The following LRRC7 variants were observed in gnomAD, a reference collection of about 807,000 sequenced individuals.
LRRC7 encodes leucine-rich repeat-containing protein 7.
In LRRC7, 23 loss-of-function variants were observed where a neutral mutation model predicts 175.7. That is an observed-to-expected ratio of 0.13 (90% CI 0.09 to 0.19). The LOEUF (loss-of-function observed/expected upper bound fraction) is 0.19, where lower values mean the gene tolerates loss of function less well. Among genes scored for constraint, LRRC7 ranks in the 10% least tolerant of loss-of-function variants. LRRC7 has a pLI of 1.00. For missense variants in LRRC7, 1,354 were observed against 1,904.7 expected (o/e 0.71, Z 5.38); for synonymous variants, 685 against 680.9 (o/e 1.01, Z -0.09).
rs564826896 is a variant in LRRC7 at position 69,837,552 on chromosome 1, C to T, written c.591-675C>T. On this transcript the variant is annotated intron_variant, in intron 6 of 26. Coordinates refer to ENST00000651989, the MANE Select transcript of LRRC7 (RefSeq NM_001370785.2). ...CCAGGTTTGTCTTCCTACAAAGTCC[C>T]ATTTTTTTAACTCTATGCTATAGTA... Among the ~76,000 whole-genome samples the T allele has an allele frequency of 7.2e-4, 110 of 151,838 alleles. 1 individual carries two copies. The South Asian group carries it at 0.012, about 17-fold the overall frequency.
At chr1:69,627,279 G>A (rs138846421) in intron 1 of LRRC7, among the ~76,000 whole-genome samples, 11,956 of 152,170 alleles carry the variant, frequency 0.079, 716 homozygotes, top group African/African-American at 0.17. Context: ...ACTGGTGTGA[G>A]ATGATATCTC....
intron 1 of LRRC7, among the ~76,000 whole-genome samples, chr1:69,569,697 G>C (rs1329737304): frequency 6.6e-6 from 1 of 151,998 alleles, no homozygotes; most frequent in Non-Finnish European, 1.5e-5. Context: ...CATCAGGGCT[G>C]AATAAAGGAC....
intron 11 of LRRC7, among the ~76,000 whole-genome samples, chr1:70,008,442 T>A (rs549377771): frequency 3.0e-4 from 46 of 152,364 alleles, no homozygotes; most frequent in Admixed American, 8.5e-4. Flanking sequence ...GCTCTATGCA[T>A]ATTACTTATT....
At position 70,139,802 on chromosome 1, in the gene LRRC7, G is replaced by A. The variant is rs1666997126; in HGVS notation, c.*17915G>A. 6.6e-6 allele frequency: 1 copy of A among 152,114 alleles called. No individual in the cohort carries two copies. Among genetic ancestry groups the A allele is most frequent in the African/African-American group, 2.4e-5 (1 of 41,424 alleles). 9.4% of individuals were successfully genotyped at this position (152,114 alleles called of 1,614,324 possible). On this transcript the variant is annotated 3_prime_UTR_variant, in exon 27 of 27. Transcript: ENST00000651989. ...CTTAGAGCCTTTGAAAATACAACAT[G>A]TAGGTCCTTCTCAGATTATGCTGAA...
At chr1:69,851,399 G>A (rs1324412519) in intron 7 of LRRC7, among the ~76,000 whole-genome samples, 1 of 152,076 alleles carries the variant, frequency 6.6e-6, no homozygotes, top group African/African-American at 2.4e-5. Flanking sequence ...GAGCATACTA[G>A]CAGGCTGATG....
intron 1 of LRRC7, among the ~76,000 whole-genome samples, chr1:69,580,914 A>G (rs879534940): frequency 6.6e-6 from 1 of 152,230 alleles, no homozygotes; most frequent in Admixed American, 6.5e-5. Context: ...ATGAACTGCT[A>G]TTTAAATAAA....
intron 11 of LRRC7, among the ~76,000 whole-genome samples, chr1:70,000,329 C>G (rs1402475974): frequency 6.6e-6 from 1 of 152,100 alleles, no homozygotes; most frequent in Non-Finnish European, 1.5e-5. Flanking sequence ...CATTGTGTTA[C>G]AATTGCTTAC....
At chr1:70,019,567 T>C (rs1269862175) in intron 15 of LRRC7, among the ~76,000 whole-genome samples, 1 of 151,950 alleles carries the variant, frequency 6.6e-6, no homozygotes, top group Non-Finnish European at 1.5e-5. Context: ...TCAATCCATG[T>C]GAATGAGGCC....
chr1:69,756,444 G>C (rs1051139482), intron 2 of LRRC7, among the ~76,000 whole-genome samples: 16 of 151,430 alleles, frequency 1.1e-4, no homozygotes, highest in African/African-American at 3.4e-4. Context: ...TAGTATGATA[G>C]ATTAAAAAAA....
At chr1:69,776,593 G>A (rs898490388) in intron 3 of LRRC7, among the ~76,000 whole-genome samples, 2 of 152,176 alleles carry the variant, frequency 1.3e-5, no homozygotes, top group Non-Finnish European at 2.9e-5. Context: ...AGACCAGTCA[G>A]AGATTAGAGG....
rs1285843594 is a variant in LRRC7 at position 70,134,590 on chromosome 1, A to G, written c.*12703A>G. Among the ~76,000 whole-genome samples, 1 of 152,142 alleles carries G rather than the reference A, an allele frequency of 6.6e-6. No individual in the cohort carries two copies. Among genetic ancestry groups the G allele is most frequent in the Non-Finnish European group, 1.5e-5 (1 of 68,018 alleles). ...GACAAGGTGTTCTTTCCCAAAGTTT[A>G]TGTGAAGCCATTTATATCCTCTGGT... On this transcript the variant is annotated 3_prime_UTR_variant, in exon 27 of 27. Transcript: ENST00000651989.
chr1:69,931,406 C>A, intron 7 of LRRC7, 101 bp from the exon 8 acceptor site: 1 of 880,954 alleles, frequency 1.1e-6, no homozygotes, highest in Non-Finnish European at 1.9e-6. Context: ...GTTTTGTGTA[C>A]TACGCAATCA....
rs144187911 is a variant in LRRC7, at chr1:69,727,158, G to A, written c.101-33033G>A. 2.9e-3 allele frequency among the ~76,000 whole-genome samples: 438 copies of A among 152,274 alleles called. 4 individuals carry two copies. Among genetic ancestry groups the A allele is most frequent in the African/African-American group, 9.7e-3 (404 of 41,568 alleles). The stretch of plus-strand genomic sequence containing the variant: ...TCAGTCATTGGAGGGATGTATCCTG[G>A]ATGAGGTAATTCCCTTCAGTCAAGG... On this transcript the variant is annotated intron_variant, in intron 2 of 26. Transcript: ENST00000651989.
intron 16 of LRRC7, 123 bp downstream of exon 16, chr1:70,021,252 C>A: frequency 2.3e-6 from 2 of 861,886 alleles, no homozygotes; most frequent in Non-Finnish European, 3.5e-6. Flanking sequence ...CGGTACCTTT[C>A]ATTACAGCAT....
intron 3 of LRRC7, among the ~76,000 whole-genome samples, chr1:69,772,592 A>T (rs1672361764): frequency 6.6e-6 from 1 of 152,252 alleles, no homozygotes; most frequent in African/African-American, 2.4e-5. Context: ...AATACATTGT[A>T]GCAAGTCAAG....
chr1:69,617,567 A>AAG (rs1240001208), intron 1 of LRRC7, among the ~76,000 whole-genome samples: 1 of 150,118 alleles, frequency 6.7e-6, no homozygotes, highest in African/African-American at 2.4e-5. Flanking sequence ...AAAAAAAAAA[A>AAG]AAAAATCAGA....
intron 7 of LRRC7, among the ~76,000 whole-genome samples, chr1:69,866,676 G>T (rs1684978244): frequency 6.6e-6 from 1 of 151,942 alleles, no homozygotes; most frequent in African/African-American, 2.4e-5. Flanking sequence ...GCCTTATAGT[G>T]GTGTCATTCA....
chr1:70,020,892 CTTT>C (rs986501318), intron 15 of LRRC7, 110 bp from the exon 16 acceptor site: 10 of 720,958 alleles, frequency 1.4e-5, no homozygotes, highest in African/African-American at 1.3e-4. Context: ...TTTCTTTCTT[CTTT>C]ATTTCCGTAT....
rs191475572 is a variant in LRRC7 at position 70,002,972 on chromosome 1, C to T, written c.1004+8339C>T. Among the ~76,000 whole-genome samples the T allele has an allele frequency of 3.9e-5, 6 of 152,162 alleles. No individual in the cohort carries two copies. The East Asian group carries it at 5.8e-4, about 15-fold the overall frequency. On this transcript the variant is annotated intron_variant, in intron 11 of 26. Coordinates refer to ENST00000651989, the MANE Select transcript of LRRC7 (RefSeq NM_001370785.2). ...AATAGTACAATGTCTTAGTCTGCTC[C>T]GGCTAACATAACAAAATATCATGGA...
Sources: allele counts gnomAD v4.1 joint callset (sites outside exome capture counted in the v4.1 genomes callset), GRCh38; gene constraint gnomAD v4.1.1; transcripts MANE v1.5; gene names NCBI Gene and HGNC (gene_info 2026-07-23, HGNC 2026-07-21).